SBK1: variants seen among roughly 807,000 people sequenced by gnomAD.
SBK1 encodes SH3 domain binding kinase 1, also known as serine/threonine-protein kinase SBK1.
A neutral mutation model predicts 24.4 loss-of-function variants in SBK1; 11 were observed. The observed-to-expected ratio is 0.45, with a 90% confidence interval of 0.28 to 0.75. The LOEUF is 0.75. Ranked by LOEUF, SBK1 falls within the 30% of genes least tolerant of loss-of-function variation. SBK1 has a pLI of 0.12. For synonymous variants in SBK1, 308 were observed against 284.4 expected, an observed-to-expected ratio of 1.08 and a Z score of -0.83; for missense variants, 467 against 620.5, an observed-to-expected ratio of 0.75 and a Z score of 2.63.
Position 28,292,793 on chromosome 16 carries a change from G to A in SBK1, c.-515G>A, listed in dbSNP as rs537674866. Reference sequence around the variant, plus strand: ...AGGATCCGGCGAGCCTCGGGGAAGAGGGGGGGCCCTCCCGGATCCGACACC... The same window carrying A: ...AGGATCCGGCGAGCCTCGGGGAAGAAGGGGGGCCCTCCCGGATCCGACACC... On this transcript the variant is annotated 5_prime_UTR_variant, in exon 1 of 4. Coordinates refer to ENST00000341901, the MANE Select transcript of SBK1 (RefSeq NM_001024401.3). 1.6e-5 allele frequency: 16 copies of A among 984,604 alleles called. No homozygotes were observed. Among genetic ancestry groups the A allele is most frequent in the Non-Finnish European group, 1.9e-5 (16 of 829,308 alleles). 61.0% of individuals were successfully genotyped at this position (984,604 alleles called of 1,614,324 possible).
chr16:28,280,135 A>G lies in SBK1; in HGVS notation c.257+20633A>G, dbSNP rs1242887311. Among the ~76,000 whole-genome samples, 160 of 60,088 alleles carry G rather than the reference A, an allele frequency of 2.7e-3. 2 individuals carry two copies. Among genetic ancestry groups the G allele is most frequent in the Non-Finnish European group, 5.2e-3 (125 of 23,980 alleles). The allele number at this position is 60,088 out of a possible 152,430, so 39.4% of individuals were successfully genotyped here. Reference sequence around the variant, plus strand: ...AAAAACTATATATATATATATATATATATATATATATATATGTGTGTGTGT... The same window carrying G: ...AAAAACTATATATATATATATATATGTATATATATATATATGTGTGTGTGT... On this transcript the variant is annotated intron_variant, in intron 1 of 3. Coordinates refer to the SBK1 transcript ENST00000671413.
chr16:28,269,032 C>CTT (rs1223749659), intron 1 of SBK1, among the ~76,000 whole-genome samples: 6,616 of 130,176 alleles, frequency 0.051, 709 homozygotes, highest in African/African-American at 0.19. Context: ...AAGTTCTTTC[C>CTT]TTTTTTTTTT....
In SBK1 at chr16:28,319,251, T is replaced by G. The variant is rs997964013; in HGVS notation, c.429+54T>G. ...AAAGGGTCTTCAGGGTCCCAGAGTG[T>G]GAGAGTGGGAGTGGAGTCAGACCAT... is the stretch of plus-strand genomic sequence containing the variant. On this transcript the variant is annotated intron_variant, in intron 3 of 3. Transcript: ENST00000341901. The surrounding 1 kb of genome is among the most constrained non-coding windows in gnomAD (Gnocchi z 4.0). The G allele has an allele frequency of 1.4e-6, 2 of 1,388,814 alleles. No homozygotes were observed. Among genetic ancestry groups the G allele is most frequent in the Admixed American group, 1.7e-5 (1 of 58,700 alleles). 86.0% of individuals were successfully genotyped at this position (1,388,814 alleles called of 1,614,324 possible). A position where few individuals can be genotyped will look rare whatever the true frequency, so the allele number is the denominator to read the frequency against.
In SBK1 at chr16:28,292,530, C is replaced by T; in HGVS notation, c.-778C>T. ...TGGCTGGAGGGCGGAGCCGCGATGC[C>T]GCGATGGAGCGCAGCCCGGGCGGGC... On this transcript the variant is annotated 5_prime_UTR_variant, in exon 1 of 4. Coordinates refer to ENST00000341901, the MANE Select transcript of SBK1 (RefSeq NM_001024401.3). The T allele has an allele frequency of 3.1e-6, 3 of 978,276 alleles. No individual in the cohort carries two copies. The highest frequency in any genetic ancestry group is 3.6e-6 in the Non-Finnish European group (3 of 826,972). 60.6% of individuals were successfully genotyped at this position (978,276 alleles called of 1,614,324 possible).
chr16:28,259,449 C>G lies in SBK1; in HGVS notation c.204C>G (p.Val68=), dbSNP rs1219421834. 9.1e-6 allele frequency: 9 copies of G among 986,024 alleles called. No homozygotes were observed. The highest frequency in any genetic ancestry group is 9.6e-6 in the Non-Finnish European group (8 of 830,502). 61.1% of individuals were successfully genotyped at this position (986,024 alleles called of 1,614,324 possible). The stretch of plus-strand genomic sequence containing the variant: ...ATGATGTGCCGGCCTTCTGCTTCGT[C>G]TGCTTCCACAGGGAGGAGGAAGAGG... The change falls in exon 1 of 4, where the codon GTC becomes GTG. Residue 68 remains valine (V), a synonymous_variant. Coordinates refer to the SBK1 transcript ENST00000671413. This position sits in a 1 kb window ranked among gnomAD's most constrained non-coding sequence, Gnocchi z 6.0.
intron 1 of SBK1, among the ~76,000 whole-genome samples, chr16:28,262,427 G>C (rs963352316): frequency 6.6e-6 from 1 of 152,178 alleles, no homozygotes; most frequent in African/African-American, 2.4e-5. Context: ...TCAGGCATTT[G>C]TAGGGAAAGA....
chr16:28,263,187 A>G (rs566643828), intron 1 of SBK1, among the ~76,000 whole-genome samples: 27 of 152,280 alleles, frequency 1.8e-4, no homozygotes, highest in African/African-American at 6.5e-4. Context: ...TCATTCATTC[A>G]CTCAACAAAT....
At chr16:28,272,282 C>T (rs2044470435) in intron 1 of SBK1, among the ~76,000 whole-genome samples, 1 of 151,974 alleles carries the variant, frequency 6.6e-6, no homozygotes, top group African/African-American at 2.4e-5. Flanking sequence ...GTTGTCCAGG[C>T]TGGTTTCGAA....
At chr16:28,269,925 G>A (rs760465206) in intron 1 of SBK1, among the ~76,000 whole-genome samples, 2 of 151,974 alleles carry the variant, frequency 1.3e-5, no homozygotes, top group Non-Finnish European at 2.9e-5. Context: ...TCATGCCAAA[G>A]CCAATCGCCA....
intron 1 of SBK1, among the ~76,000 whole-genome samples, chr16:28,295,133 G>A (rs1333096490): frequency 6.6e-6 from 1 of 152,194 alleles, no homozygotes; most frequent in South Asian, 2.1e-4. Flanking sequence ...AGGCTGAAGA[G>A]CAGAAATTTG....
At chr16:28,299,615 C>A (rs529404802) in intron 1 of SBK1, among the ~76,000 whole-genome samples, 1 of 152,138 alleles carries the variant, frequency 6.6e-6, no homozygotes, top group Non-Finnish European at 1.5e-5. Context: ...CCCCGAGAAA[C>A]CTCTAAGCTT....
intron 1 of SBK1, among the ~76,000 whole-genome samples, chr16:28,313,839 G>A (rs1414965307): frequency 6.6e-6 from 1 of 152,144 alleles, no homozygotes; most frequent in Non-Finnish European, 1.5e-5. Flanking sequence ...GTCGTGCCGA[G>A]AGTGAAGGGG....
intron 1 of SBK1, among the ~76,000 whole-genome samples, chr16:28,269,727 T>A (rs1336118251): frequency 2.5e-5 from 3 of 118,720 alleles, no homozygotes; most frequent in Admixed American, 1.7e-4. Flanking sequence ...AAAAAAAAAA[T>A]TAGCTGAGAG....
intron 1 of SBK1, among the ~76,000 whole-genome samples, chr16:28,283,280 G>A (rs976497864): frequency 6.6e-6 from 1 of 152,172 alleles, no homozygotes; most frequent in African/African-American, 2.4e-5. Context: ...GTATGTGACA[G>A]AGACCAAAGT....
chr16:28,276,372 G>A (rs2044493915), intron 1 of SBK1, among the ~76,000 whole-genome samples: 2 of 152,174 alleles, frequency 1.3e-5, no homozygotes, highest in Non-Finnish European at 1.5e-5. Flanking sequence ...TAGTGAGGGC[G>A]GAGGTTGGGG....
At chr16:28,299,194 T>G (rs2044662471) in intron 1 of SBK1, among the ~76,000 whole-genome samples, 1 of 152,130 alleles carries the variant, frequency 6.6e-6, no homozygotes, top group Non-Finnish European at 1.5e-5. Flanking sequence ...CCCTCATCTG[T>G]AAACAAGGGG....
chr16:28,283,575 A>G (rs1414143074), intron 1 of SBK1, among the ~76,000 whole-genome samples: 2 of 152,156 alleles, frequency 1.3e-5, no homozygotes, highest in Non-Finnish European at 2.9e-5. Context: ...TGCTAAGGCC[A>G]TGGGGGTGTT....
chr16:28,293,760 G>A (rs1188157293), intron 1 of SBK1, among the ~76,000 whole-genome samples: 2 of 152,112 alleles, frequency 1.3e-5, no homozygotes, highest in East Asian at 1.9e-4. Context: ...TGATGGCTGG[G>A]GCTTCGGGTG....
At chr16:28,280,115 CTATATATA>C (rs1193408430) in intron 1 of SBK1, among the ~76,000 whole-genome samples, 335 of 29,464 alleles carry the variant, frequency 0.011, 14 homozygotes, top group Middle Eastern at 0.033. Context: ...TTGAAAAAAA[CTATATATA>C]TATATATATA....
Sources: allele counts gnomAD v4.1 joint callset (sites outside exome capture counted in the v4.1 genomes callset), GRCh38; gene constraint gnomAD v4.1.1; non-coding constraint Gnocchi (gnomAD v3.1); transcripts MANE v1.5; gene names NCBI Gene and HGNC (gene_info 2026-07-23, HGNC 2026-07-21).